Variants in PCLO observed in about 807,000 individuals in gnomAD.
PCLO encodes the protein piccolo presynaptic cytomatrix protein, also known as protein piccolo.
In PCLO, 82 loss-of-function variants were observed where a neutral mutation model predicts 427.5. The observed-to-expected ratio is 0.19, with a 90% CI of 0.16 to 0.23. The LOEUF (loss-of-function observed/expected upper bound fraction) is 0.23. PCLO is among the 10% of genes least tolerant of loss of function. PCLO has a pLI of 1.00. For synonymous variants in PCLO, 2,357 were observed against 2,155.4 expected, an observed-to-expected ratio of 1.09 and a Z score of -2.59; for missense variants, 6,239 against 6,115.9, an observed-to-expected ratio of 1.02 and a Z score of -0.67.
intron 2 of PCLO, among the ~76,000 whole-genome samples, chr7:83,146,016 C>A (rs1485850264): frequency 6.6e-6 from 1 of 152,156 alleles, no homozygotes; most frequent in Non-Finnish European, 1.5e-5. Flanking sequence ...CTTTACCCAT[C>A]TTTAAAATGT....
intron 6 of PCLO, among the ~76,000 whole-genome samples, chr7:82,932,745 T>C (rs1480638066): frequency 6.6e-6 from 1 of 152,116 alleles, no homozygotes; most frequent in Non-Finnish European, 1.5e-5. Flanking sequence ...ATGACAAGTA[T>C]GCCTGTAGAT....
intron 3 of PCLO, among the ~76,000 whole-genome samples, chr7:83,103,299 C>T (rs1335608092): frequency 6.6e-6 from 1 of 151,888 alleles, no homozygotes. Flanking sequence ...AGACATTTTA[C>T]TCCTGTTGTT....
At chr7:82,923,006 G>C (rs1794633421) in intron 6 of PCLO, among the ~76,000 whole-genome samples, 1 of 151,794 alleles carries the variant, frequency 6.6e-6, no homozygotes, top group Admixed American at 6.6e-5. Flanking sequence ...GTAGAGATGT[G>C]GATTCTTTTT....
At chr7:83,040,523 C>T (rs1414781782) in intron 3 of PCLO, among the ~76,000 whole-genome samples, 1 of 152,118 alleles carries the variant, frequency 6.6e-6, no homozygotes, top group Non-Finnish European at 1.5e-5. Flanking sequence ...GGATGGTTCC[C>T]AAGGACAATG....
At chr7:82,979,826 T>C (rs6954069) in intron 3 of PCLO, among the ~76,000 whole-genome samples, 11,218 of 152,206 alleles carry the variant, frequency 0.074, 1,409 homozygotes, top group African/African-American at 0.26. Flanking sequence ...TACTGTGTGT[T>C]AGGCAGCAAA....
At chr7:83,153,761 T>C (rs1266098385) in intron 2 of PCLO, among the ~76,000 whole-genome samples, 1 of 152,206 alleles carries the variant, frequency 6.6e-6, no homozygotes, top group East Asian at 1.9e-4. Context: ...CTACTAAATG[T>C]GGAAAGCCAA....
chr7:83,032,221 G>A (rs970706205), intron 3 of PCLO, among the ~76,000 whole-genome samples: 1 of 152,164 alleles, frequency 6.6e-6, no homozygotes, highest in East Asian at 1.9e-4. Context: ...TTAGCCTTTT[G>A]AGTCACCCTG....
chr7:82,861,902 T>A (rs1792966559), intron 10 of PCLO, among the ~76,000 whole-genome samples: 1 of 151,950 alleles, frequency 6.6e-6, no homozygotes, highest in African/African-American at 2.4e-5. Flanking sequence ...ATTTAGAAAT[T>A]GTAAAATTTC....
At chr7:82,988,481 C>T (rs1343049026) in intron 3 of PCLO, among the ~76,000 whole-genome samples, 1 of 152,120 alleles carries the variant, frequency 6.6e-6, no homozygotes, top group Non-Finnish European at 1.5e-5. Context: ...TACTCATTCA[C>T]TCTATCAATC....
chr7:83,040,851 C>T lies in PCLO; in HGVS notation c.3301-74364G>A, dbSNP rs146066226. Among the ~76,000 whole-genome samples, 1,288 of 152,238 alleles carry T rather than the reference C, an allele frequency of 8.5e-3. 12 individuals are homozygous for T. The highest frequency in any genetic ancestry group is 0.014 in the Non-Finnish European group (928 of 68,010). On this transcript the variant is annotated intron_variant, in intron 3 of 24. Transcript: ENST00000333891. ...GTTCTGGGCCCAAGAACAATGGCTA[C>T]CTAATTTAATGATTCCACAACATAA...
intron 16 of PCLO, among the ~76,000 whole-genome samples, chr7:82,828,922 G>T (rs1792020799): frequency 6.6e-6 from 1 of 152,102 alleles, no homozygotes; most frequent in Admixed American, 6.6e-5. Context: ...CTGTCTGGGG[G>T]TCTTGACATG....
At chr7:82,907,598 A>C (rs990753943) in intron 8 of PCLO, among the ~76,000 whole-genome samples, 2 of 152,052 alleles carry the variant, frequency 1.3e-5, no homozygotes, top group Non-Finnish European at 2.9e-5. Context: ...AAGCTAATAA[A>C]AGCATAATTC....
At chr7:82,771,212 C>T (rs1384613090) in intron 22 of PCLO, among the ~76,000 whole-genome samples, 1 of 151,766 alleles carries the variant, frequency 6.6e-6, no homozygotes, top group African/African-American at 2.4e-5. Flanking sequence ...TAGCTAGCTC[C>T]CTTATTCAGA....
At chr7:82,792,450 C>T (rs948581464) in intron 22 of PCLO, among the ~76,000 whole-genome samples, 1 of 151,864 alleles carries the variant, frequency 6.6e-6, no homozygotes, top group African/African-American at 2.4e-5. Flanking sequence ...CCTCAGCATC[C>T]CAAGTAGCTG....
chr7:82,847,335 G>A, intron 10 of PCLO, 88 bp from the exon 11 acceptor site: 1 of 707,388 alleles, frequency 1.4e-6, no homozygotes, highest in Non-Finnish European at 2.4e-6. Flanking sequence ...TTTGCATTTA[G>A]AAGTCAACTC....
intron 6 of PCLO, among the ~76,000 whole-genome samples, chr7:82,944,137 T>TAAAAAAAAAAAAAAAAAAAAAAA (rs71096608): frequency 2.9e-5 from 1 of 33,914 alleles, no homozygotes; most frequent in Non-Finnish European, 5.1e-5. Context: ...CAAGAATCCA[T>TAAAAAAAAAAAAAAAAAAAAAAA]AAAAAAAAAA....
chr7:83,084,161 T>A (rs10264898), intron 3 of PCLO, among the ~76,000 whole-genome samples: 34,980 of 151,978 alleles, frequency 0.23, 4,564 homozygotes, highest in East Asian at 0.56. Context: ...ATGAAGATGT[T>A]CTTAGTTTTG....
intron 3 of PCLO, among the ~76,000 whole-genome samples, chr7:83,059,375 TATATAA>T (rs539382532): frequency 0.031 from 3,787 of 123,164 alleles, 210 homozygotes; most frequent in African/African-American, 0.12. Context: ...TATATATATA[TATATAA>T]AAATGAAAAA....
chr7:83,115,970 GCACA>G (rs139425794), intron 3 of PCLO, among the ~76,000 whole-genome samples: 2 of 149,788 alleles, frequency 1.3e-5, no homozygotes, highest in Admixed American at 6.7e-5. Flanking sequence ...ACTCTCACAT[GCACA>G]CACACACACA....
Sources: gnomAD v4.1 joint callset for allele counts (sites outside exome capture counted in the v4.1 genomes callset) on GRCh38, gnomAD v4.1.1 for gene constraint, MANE v1.5 for transcripts, NCBI Gene and HGNC (gene_info 2026-07-23, HGNC 2026-07-21) for gene names.